Variants in TOMM40 observed in about 807,000 individuals in gnomAD.
TOMM40 encodes mitochondrial import receptor subunit TOM40 homolog.
In TOMM40, 9 loss-of-function variants were observed where a neutral mutation model predicts 38.4. The observed-to-expected ratio is 0.23, with a 90% CI of 0.14 to 0.41. The LOEUF is 0.41. Ranked by LOEUF, TOMM40 falls within the 10% of genes least tolerant of loss-of-function variation. The pLI is 1.00. For synonymous variants in TOMM40, 184 were observed against 210.0 expected (o/e 0.88, Z 1.07); for missense variants, 299 against 486.5 (o/e 0.61, Z 3.63).
Position 44,903,228 on chromosome 19 carries a change from C to G in TOMM40, c.*59C>G, listed in dbSNP as rs1297994543. 3.9e-6 allele frequency: 6 copies of G among 1,539,800 alleles called. No homozygotes were observed. In the East Asian group the frequency reaches 1.4e-4, roughly 36 times the overall value. ...ATTCCACCTCCACCTCCACCTCCCC[C>G]TGCCACAGAGGGGAGACCTGAGCCC... On this transcript the variant is annotated 3_prime_UTR_variant, in exon 9 of 9. Transcript: ENST00000426677.
In TOMM40 at chr19:44,891,588, C is replaced by G. The variant is rs1368003737; in HGVS notation, c.173C>G (p.Pro58Arg). Reference protein sequence around the residue: ...TSTSRSSERTPGAATASASGA... With the variant: ...TSTSRSSERTRGAATASASGA... ...ACGAGTCGAAGTTCGGAACGGACCC[C>G]CGGGGCTGCAACCGCCAGCGCCTCA... Residue 58 changes from proline to arginine, a missense_variant, in exon 1 of 9, where the codon CCC becomes CGC. By Grantham distance (103) the Pro-to-Arg change is moderately radical. Transcript: ENST00000426677. 1 of 1,465,720 alleles carries G rather than the reference C, an allele frequency of 6.8e-7. No homozygotes were observed. The highest frequency in any genetic ancestry group is 9.0e-7 in the Non-Finnish European group (1 of 1,111,782). 90.8% of individuals were successfully genotyped at this position (1,465,720 alleles called of 1,614,324 possible). A position where few individuals can be genotyped will look rare whatever the true frequency, so the allele number is the denominator to read the frequency against.
At position 44,902,656 on chromosome 19, in the gene TOMM40, C is replaced by T. The variant is rs548153142; in HGVS notation, c.947-374C>T. On this transcript the variant is annotated intron_variant, in intron 8 of 8. Coordinates refer to ENST00000426677, the MANE Select transcript of TOMM40 (RefSeq NM_001128917.2). Reference sequence around the variant, plus strand: ...TCCAGTCTTAAGTCTTCTTGGATATCTGTGGCTCACAGATTTTGGGTGTTT... The same window carrying T: ...TCCAGTCTTAAGTCTTCTTGGATATTTGTGGCTCACAGATTTTGGGTGTTT... 10 of 169,464 alleles carry T rather than the reference C, an allele frequency of 5.9e-5. No homozygotes were observed. In the South Asian group the frequency reaches 1.6e-3, roughly 27 times the overall value. The allele number at this position is 169,464 out of a possible 1,614,324, so 10.5% of individuals were successfully genotyped here.
In TOMM40 at chr19:44,902,913, C is replaced by T. The variant is rs1449617648; in HGVS notation, c.947-117C>T. ...TGATGGGGTTTCAGGGTGGCAGGAGCAGTGTGGTTAAAGGTCTGGAAGCTG... is the reference window on the plus strand; with the variant it reads ...TGATGGGGTTTCAGGGTGGCAGGAGTAGTGTGGTTAAAGGTCTGGAAGCTG... On this transcript the variant is annotated intron_variant, in intron 8 of 8. Transcript: ENST00000426677. 6.1e-6 allele frequency: 8 copies of T among 1,311,530 alleles called. No homozygotes were observed. The African/African-American group carries it at 1.2e-4, about 20-fold the overall frequency. 81.2% of individuals were successfully genotyped at this position (1,311,530 alleles called of 1,614,324 possible). A position where few individuals can be genotyped will look rare whatever the true frequency, so the allele number is the denominator to read the frequency against.
At position 44,903,261 on chromosome 19, in the gene TOMM40, T is replaced by C; in HGVS notation, c.*92T>C. 1.5e-6 allele frequency: 2 copies of C among 1,308,404 alleles called. No homozygotes were observed. The highest frequency in any genetic ancestry group is 2.1e-6 in the Non-Finnish European group (2 of 971,658). The allele number at this position is 1,308,404 out of a possible 1,614,324, so 81.0% of individuals were successfully genotyped here. On this transcript the variant is annotated 3_prime_UTR_variant, in exon 9 of 9. Transcript: ENST00000426677. The stretch of plus-strand genomic sequence containing the variant: ...GAGGGGAGACCTGAGCCCCCCTCCC[T>C]TCCCTCCCCCCTTGGGGGTCGGGGG...
intron 2 of TOMM40, 72 bp downstream of exon 2, chr19:44,892,532 G>A: frequency 1.4e-6 from 2 of 1,394,106 alleles, no homozygotes; most frequent in East Asian, 4.6e-5. Context: ...TGCACACTCG[G>A]CCCAATTACT....
intron 5 of TOMM40, among the ~76,000 whole-genome samples, chr19:44,899,791 C>CTTTTTTTTTTTTTTTTTTT (rs10524523): frequency 3.3e-5 from 3 of 90,988 alleles, no homozygotes; most frequent in African/African-American, 1.1e-4. Context: ...TTGCATCTGG[C>CTTTTTTTTTTTTTTTTTTT]TTTTTTTTTT....
At position 44,903,376 on chromosome 19, in the gene TOMM40, G is replaced by A; in HGVS notation, c.*207G>A. ...CGCTTCGGGATTCTGAGTAGCAGGG[G>A]CAGCATGCCCAGTGGGCCTGGGGTC... On this transcript the variant is annotated 3_prime_UTR_variant, in exon 9 of 9. Coordinates refer to ENST00000426677, the MANE Select transcript of TOMM40 (RefSeq NM_001128917.2). The A allele has an allele frequency of 1.8e-6, 1 of 545,780 alleles. No individual in the cohort carries two copies. The allele number at this position is 545,780 out of a possible 1,614,324, so 33.8% of individuals were successfully genotyped here.
At chr19:44,901,481 G>A (rs757925332) in intron 8 of TOMM40, 171 bp downstream of exon 8, 38 of 1,452,492 alleles carry the variant, frequency 2.6e-5, no homozygotes, top group South Asian at 1.7e-4. Flanking sequence ...GGTGGCTCAC[G>A]CCTGTAATCC....
Position 44,893,847 on chromosome 19 carries a change from TG to T in TOMM40, c.506del (p.Gly169AlafsTer18). The T allele has an allele frequency of 6.2e-7, 1 of 1,612,332 alleles. No homozygotes were observed. Among genetic ancestry groups the T allele is most frequent in the Non-Finnish European group, 8.5e-7 (1 of 1,180,024 alleles). ...GSLNAQVIHQ[L>X]GPGLRSKMAI... The stretch of plus-strand genomic sequence containing the variant: ...CTCAACGCTCAGGTCATTCACCAGC[TG>T]GGCCCCGGTCTCAGGTCCAAGATGG... On this transcript the variant is annotated frameshift_variant, in exon 4 of 9. Transcript: ENST00000426677. LOFTEE classifies it high-confidence loss of function.
rs1349501229 is a variant in TOMM40 at position 44,894,012 on chromosome 19, T to C, written c.589T>C (p.Ser197Pro). The change falls in exon 5 of 9, where the codon TCT becomes CCT. Residue 197 changes from serine to proline, a missense_variant. By Grantham distance (74) the Ser-to-Pro change is moderately conservative. Transcript: ENST00000426677. Reference sequence around the variant, plus strand: ...GCAGGTGGACGGGGAGTATCGGGGCTCTGACTTCACAGCAGCCGTCACCCT... The same window carrying C: ...GCAGGTGGACGGGGAGTATCGGGGCCCTGACTTCACAGCAGCCGTCACCCT... ...NWQVDGEYRG[S>P]DFTAAVTLGN... is the part of the protein sequence containing the mutation. The C allele has an allele frequency of 6.5e-7, 1 of 1,543,042 alleles. No individual in the cohort carries two copies. The highest frequency in any genetic ancestry group is 1.2e-5 in the South Asian group (1 of 80,258).
chr19:44,892,947 T>A lies in TOMM40; in HGVS notation c.435+18T>A, dbSNP rs972329563. On this transcript the variant is annotated intron_variant, in intron 3 of 8. Transcript: ENST00000426677. Reference sequence around the variant, plus strand: ...CCACAGAGGTGAGCTTCCTTTTTCATCCATTCATTGTATCCTTCTAATAAC... The same window carrying A: ...CCACAGAGGTGAGCTTCCTTTTTCAACCATTCATTGTATCCTTCTAATAAC... 6.3e-7 allele frequency: 1 copy of A among 1,599,210 alleles called. No individual in the cohort carries two copies. The highest frequency in any genetic ancestry group is 8.6e-7 in the Non-Finnish European group (1 of 1,168,276).
intron 5 of TOMM40, among the ~76,000 whole-genome samples, chr19:44,896,116 G>T (rs1030246273): frequency 1.3e-5 from 2 of 152,268 alleles, no homozygotes; most frequent in Non-Finnish European, 2.9e-5. Context: ...GTGCCGCCTC[G>T]CTCGCCTGGT....
intron 5 of TOMM40, among the ~76,000 whole-genome samples, chr19:44,896,102 C>G (rs1205861860): frequency 1.3e-5 from 2 of 152,210 alleles, no homozygotes; most frequent in South Asian, 2.1e-4. Flanking sequence ...CAACCCCGTT[C>G]CCTGTGCCGC....
At chr19:44,892,775 T>C in intron 2 of TOMM40, 62 bp from the exon 3 acceptor site, 1 of 1,384,416 alleles carries the variant, frequency 7.2e-7, no homozygotes, top group Non-Finnish European at 1.0e-6. Context: ...ACCTTGTCCT[T>C]GCCCTCTTCA....
Position 44,894,261 on chromosome 19 carries a change from C to CTTTTTTTT in TOMM40, c.643+206_643+213dup, listed in dbSNP as rs35647923. 1.1e-4 allele frequency among the ~76,000 whole-genome samples: 15 copies of CTTTTTTTT among 133,668 alleles called. 6 individuals are homozygous for CTTTTTTTT. Among genetic ancestry groups the CTTTTTTTT allele is most frequent in the African/African-American group, 2.9e-4 (10 of 34,700 alleles). 87.7% of individuals were successfully genotyped at this position (133,668 alleles called of 152,430 possible). On this transcript the variant is annotated intron_variant, in intron 5 of 8. Coordinates refer to ENST00000426677, the MANE Select transcript of TOMM40 (RefSeq NM_001128917.2). Reference sequence around the variant, plus strand: ...CCATGAGTGGGTGAGTCAGAGCAGTCTTTTTTTTTTTTTTTTTTGAGATGG... The same window carrying CTTTTTTTT: ...CCATGAGTGGGTGAGTCAGAGCAGTCTTTTTTTTTTTTTTTTTTTTTTTTTTGAGATGG...
chr19:44,893,285 C>T (rs1969503036), intron 3 of TOMM40, among the ~76,000 whole-genome samples: 1 of 152,070 alleles, frequency 6.6e-6, no homozygotes, highest in South Asian at 2.1e-4. Flanking sequence ...AGAGTCATGG[C>T]ATGGTTTGGT....
intron 8 of TOMM40, 195 bp downstream of exon 8, chr19:44,901,505 G>C: frequency 7.2e-7 from 1 of 1,381,158 alleles, no homozygotes; most frequent in Non-Finnish European, 9.5e-7. Flanking sequence ...CACTTTGGGA[G>C]GCCAAGGCGG....
In TOMM40 at chr19:44,900,254, G is replaced by A. The variant is rs567994175; in HGVS notation, c.644-476G>A. ...AGGTTCACAGAGAGATGATGCCAGC[G>A]TCCATGGTCACCAGCCAGCCTGTGG... On this transcript the variant is annotated intron_variant, in intron 5 of 8. Transcript: ENST00000426677. 4.0e-3 allele frequency among the ~76,000 whole-genome samples: 608 copies of A among 152,244 alleles called. 8 individuals are homozygous for A. Among genetic ancestry groups the A allele is most frequent in the African/African-American group, 0.013 (541 of 41,560 alleles).
Position 44,891,319 on chromosome 19 carries a change from G to C in TOMM40, c.-97G>C, listed in dbSNP as rs1202598352. ...CGGGAGCAGGCGCCGCCGCCAGTGA[G>C]AACCGGGGCCGGAGCCGGGTGCGGA... On this transcript the variant is annotated 5_prime_UTR_variant, in exon 1 of 9. Transcript: ENST00000426677. 12 of 1,210,350 alleles carry C rather than the reference G, an allele frequency of 9.9e-6. No individual in the cohort carries two copies. The highest frequency in any genetic ancestry group is 1.6e-5 in the African/African-American group (1 of 63,468). 75.0% of individuals were successfully genotyped at this position (1,210,350 alleles called of 1,614,324 possible).
Sources: allele counts gnomAD v4.1 joint callset (sites outside exome capture counted in the v4.1 genomes callset), GRCh38; gene constraint gnomAD v4.1.1; transcripts MANE v1.5; gene names NCBI Gene and HGNC (gene_info 2026-07-23, HGNC 2026-07-21).